AKAP13: variants seen among roughly 807,000 people sequenced by gnomAD.
The protein encoded by AKAP13 is A-kinase anchor protein 13.
A neutral mutation model predicts 264.5 loss-of-function variants in AKAP13; 80 were observed. The ratio of observed to expected loss-of-function variants is 0.30; its 90% CI spans 0.25 to 0.36. AKAP13 has a LOEUF of 0.36. AKAP13 is among the 10% of genes least tolerant of loss of function. The pLI is 1.00. For synonymous variants in AKAP13, 1,380 were observed against 1,250.2 expected (o/e 1.10, Z -2.19); for missense variants, 3,712 against 3,435.2 (o/e 1.08, Z -2.01).
At chr15:85,511,085 CAG>C (rs1177339302) in intron 2 of AKAP13, among the ~76,000 whole-genome samples, 1 of 152,168 alleles carries the variant, frequency 6.6e-6, no homozygotes, top group African/African-American at 2.4e-5. Context: ...TGCTTTTCTT[CAG>C]ACGTCTCTCT....
chr15:85,500,729 T>C (rs2076017088), intron 2 of AKAP13, among the ~76,000 whole-genome samples: 1 of 152,204 alleles, frequency 6.6e-6, no homozygotes, highest in Non-Finnish European at 1.5e-5. Flanking sequence ...GGCTGTAACT[T>C]AGGGTATTTA....
rs1555434091 is a variant in AKAP13 at position 85,483,642 on chromosome 15, A to ACAAAAC, written c.-11-2068_-11-2067insCAAAAC. Among the ~76,000 whole-genome samples, 75 of 145,306 alleles carry ACAAAAC rather than the reference A, an allele frequency of 5.2e-4. 1 individual carries two copies. The highest frequency in any genetic ancestry group is 1.7e-3 in the African/African-American group (66 of 39,442). On this transcript the variant is annotated intron_variant, in intron 1 of 36. Transcript: ENST00000394518. ...AGCGAGACTCCGTCTCAAAAAAAAA[A>ACAAAAC]AAAAAAAAACACCAAAAAATCAGCT...
At position 85,459,977 on chromosome 15, in the gene AKAP13, A is replaced by C. The variant is rs573755205; in HGVS notation, c.-11-25733A>C. Among the ~76,000 whole-genome samples, 11 of 152,202 alleles carry C rather than the reference A, an allele frequency of 7.2e-5. No homozygotes were observed. The South Asian group carries it at 2.3e-3, about 32-fold the overall frequency. On this transcript the variant is annotated intron_variant, in intron 1 of 36. Coordinates refer to ENST00000394518, the MANE Select transcript of AKAP13 (RefSeq NM_007200.5). ...ATCCCTATTACTATTGCCCATATTT[A>C]GGTTCACTAGTTTTTATCAGGACAG...
In AKAP13 at chr15:85,581,425, C is replaced by T. The variant is rs150530805; in HGVS notation, c.3357C>T (p.Asn1119=). The change falls in exon 7 of 37, where the codon AAC becomes AAT. Residue 1119 remains asparagine (N), a synonymous_variant. Coordinates refer to ENST00000394518, the MANE Select transcript of AKAP13 (RefSeq NM_007200.5). The stretch of plus-strand genomic sequence containing the variant: ...ACACCCAAGACATCCTGATTCCAAA[C>T]GTCTTGTTGAGCCAAGAGAAGAATG... ...SHNTQDILIP[N]VLLSQEKNAV... is the part of the protein sequence containing the mutation. The T allele has an allele frequency of 2.7e-4, 430 of 1,614,194 alleles. 5 individuals carry two copies. Among genetic ancestry groups the T allele is most frequent in the South Asian group, 1.9e-3 (172 of 91,088 alleles).
At chr15:85,636,553 A>T (rs1567167886) in intron 8 of AKAP13, among the ~76,000 whole-genome samples, 1 of 151,654 alleles carries the variant, frequency 6.6e-6, no homozygotes, top group Non-Finnish European at 1.5e-5. Flanking sequence ...AGGTTGAGTA[A>T]TTTCCTTTCT....
chr15:85,455,317 C>A (rs2074245416), intron 1 of AKAP13, among the ~76,000 whole-genome samples: 7 of 151,838 alleles, frequency 4.6e-5, no homozygotes, highest in Admixed American at 3.3e-4. Context: ...AATCTCGTTT[C>A]TTGTAGATAT....
rs138884032 is a variant in AKAP13, at chr15:85,386,635, C to T, written c.-12+5837C>T. Among the ~76,000 whole-genome samples, 820 of 152,252 alleles carry T rather than the reference C, an allele frequency of 5.4e-3. 4 individuals carry two copies. Among genetic ancestry groups the T allele is most frequent in the Non-Finnish European group, 9.5e-3 (645 of 68,008 alleles). On this transcript the variant is annotated intron_variant, in intron 1 of 36. Transcript: ENST00000394518. ...AAAATTTTATATTTACATTTATTAT[C>T]TGCTTTGATTTAATTTTCCTAAATG... is the stretch of plus-strand genomic sequence containing the variant.
intron 35 of AKAP13, among the ~76,000 whole-genome samples, chr15:85,743,140 A>G (rs777436780): frequency 3.3e-5 from 5 of 152,156 alleles, no homozygotes; most frequent in Admixed American, 1.3e-4. Context: ...ATCCCTGTGT[A>G]GAGCAATCTT....
rs1348121769 is a variant in AKAP13 at position 85,719,248 on chromosome 15, G to A, written c.6174G>A (p.Glu2058=). 9 of 1,614,208 alleles carry A rather than the reference G, an allele frequency of 5.6e-6. No individual in the cohort carries two copies. The highest frequency in any genetic ancestry group is 7.6e-6 in the Non-Finnish European group (9 of 1,180,028). ...GCCAATTCTTCCAGAGGATTCTGGAGCGGAAGAAGGAGTCTCTGGTGGATA... is the reference window on the plus strand; with the variant it reads ...GCCAATTCTTCCAGAGGATTCTGGAACGGAAGAAGGAGTCTCTGGTGGATA... The part of the protein sequence containing the change: ...IHSQFFQRIL[E]RKKESLVDKS... Residue 2058 remains glutamate, a synonymous_variant, in exon 23 of 37, where the codon GAG becomes GAA. Coordinates refer to ENST00000394518, the MANE Select transcript of AKAP13 (RefSeq NM_007200.5).
rs370788183 is a variant in AKAP13, at chr15:85,682,182, T to G, written c.5126T>G (p.Phe1709Cys). ...LDNSRPFHST[F>C]HNTSANLTES... ...GATTCACGGCCCTTCCACAGTACCT[T>G]CCACAATACCAGTGCTAATCTGACT... The change falls in exon 15 of 37, where the codon TTC (phenylalanine) becomes TGC (cysteine). Residue 1709 changes from phenylalanine to cysteine, a missense_variant. Transcript: ENST00000394518. 9 of 1,613,486 alleles carry G rather than the reference T, an allele frequency of 5.6e-6. No homozygotes were observed. The highest frequency in any genetic ancestry group is 3.3e-4 in the Middle Eastern group (2 of 6,082).
intron 26 of AKAP13, 141 bp from the exon 27 acceptor site, chr15:85,726,269 G>A (rs949079137): frequency 3.4e-6 from 2 of 580,230 alleles, no homozygotes; most frequent in South Asian, 2.5e-5. Flanking sequence ...TTGCTTTGGA[G>A]GAGTGTGATC....
chr15:85,477,243 TAG>T (rs1182691532), intron 1 of AKAP13, among the ~76,000 whole-genome samples: 1 of 151,742 alleles, frequency 6.6e-6, no homozygotes, highest in Non-Finnish European at 1.5e-5. Context: ...GAGTGGGGCA[TAG>T]AGAGATTTTC....
chr15:85,438,908 GC>G (rs1460494040), intron 1 of AKAP13, among the ~76,000 whole-genome samples: 1 of 146,892 alleles, frequency 6.8e-6, no homozygotes, highest in Non-Finnish European at 1.5e-5. Context: ...ATAGGCATGG[GC>G]AAGGACTTCA....
chr15:85,684,261 A>G (rs1408515835), intron 15 of AKAP13, among the ~76,000 whole-genome samples: 1 of 152,160 alleles, frequency 6.6e-6, no homozygotes, highest in Non-Finnish European at 1.5e-5. Flanking sequence ...CTGAAAATCC[A>G]TAATTAAAAC....
Position 85,726,386 on chromosome 15 carries a change from C to T in AKAP13, c.6746-24C>T. Reference sequence around the variant, plus strand: ...ATTAAGTAGTCATCGTTTTATCTTCCCTTCTCCCATTTCCATTTTCCAGAG... The same window carrying T: ...ATTAAGTAGTCATCGTTTTATCTTCTCTTCTCCCATTTCCATTTTCCAGAG... On this transcript the variant is annotated intron_variant, in intron 26 of 36. Coordinates refer to ENST00000394518, the MANE Select transcript of AKAP13 (RefSeq NM_007200.5). The T allele has an allele frequency of 1.9e-6, 3 of 1,598,856 alleles. No homozygotes were observed. In the East Asian group the frequency reaches 6.7e-5, roughly 36 times the overall value.
intron 2 of AKAP13, chr15:85,520,637 G>C (rs756382421): frequency 1.9e-6 from 1 of 518,768 alleles, no homozygotes; most frequent in South Asian, 1.4e-5. Flanking sequence ...GGATAAAGAA[G>C]AGTAGGAATG....
At chr15:85,551,480 T>TC (rs1432839415) in intron 5 of AKAP13, among the ~76,000 whole-genome samples, 3 of 152,200 alleles carry the variant, frequency 2.0e-5, no homozygotes, top group East Asian at 3.8e-4. Flanking sequence ...AGGTTGTAAC[T>TC]CCAAGTCCTG....
In AKAP13 at chr15:85,658,544, C is replaced by A; in HGVS notation, c.4753C>A (p.Arg1585=). Residue 1585 remains arginine, a synonymous_variant, in exon 12 of 37, where the codon CGA becomes AGA. Coordinates refer to ENST00000394518, the MANE Select transcript of AKAP13 (RefSeq NM_007200.5). The part of the protein sequence containing the change: ...DAEMNHRSSM[R]VLGDVVRRPP... ...TTCACCATTCATTTTCAGTTCAATG[C>A]GAGTTCTTGGGGATGTTGTCAGGAG... 1 of 1,613,670 alleles carries A rather than the reference C, an allele frequency of 6.2e-7. No homozygotes were observed. Among genetic ancestry groups the A allele is most frequent in the South Asian group, 1.1e-5 (1 of 91,006 alleles).
At position 85,721,977 on chromosome 15, in the gene AKAP13, T is replaced by C. The variant is rs1262480934; in HGVS notation, c.6253-14T>C. ...GCGCCCCATGGCATAACTTCTGTTC[T>C]CTTTTCTCTGCAGTTTTCAGGTGAG... On this transcript the variant is annotated splice_polypyrimidine_tract_variant and intron_variant, in intron 23 of 36. Coordinates refer to ENST00000394518, the MANE Select transcript of AKAP13 (RefSeq NM_007200.5). The C allele has an allele frequency of 1.9e-6, 3 of 1,613,678 alleles. No individual in the cohort carries two copies. Among genetic ancestry groups the C allele is most frequent in the Admixed American group, 3.3e-5 (2 of 59,900 alleles).
Sources: gnomAD v4.1 joint callset for allele counts (sites outside exome capture counted in the v4.1 genomes callset) on GRCh38, gnomAD v4.1.1 for gene constraint, MANE v1.5 for transcripts, NCBI Gene and HGNC (gene_info 2026-07-23, HGNC 2026-07-21) for gene names.